The following ZNF335 variants were observed in gnomAD, a reference collection of about 807,000 sequenced individuals.
The protein encoded by ZNF335 is zinc finger protein 335, also known as NRC-interacting factor 1.
In ZNF335, 84 loss-of-function variants were observed where a neutral mutation model predicts 145.6. The ratio of observed to expected loss-of-function variants is 0.58; its 90% confidence interval spans 0.48 to 0.69. The LOEUF is 0.69. ZNF335 is among the 30% of genes least tolerant of loss of function. The pLI, the probability that ZNF335 is intolerant of heterozygous loss-of-function variation, is 0.00. For missense variants in ZNF335, 1,865 were observed against 1,809.7 expected (o/e 1.03, Z -0.55); for synonymous variants, 761 against 717.0 (o/e 1.06, Z -0.98).
intron 9 of ZNF335, among the ~76,000 whole-genome samples, chr20:45,963,228 C>T (rs992668568): frequency 6.6e-6 from 1 of 152,196 alleles, no homozygotes; most frequent in South Asian, 2.1e-4. Flanking sequence ...TATGCTGCCA[C>T]TGTGCACTGT....
At chr20:45,949,694 T>C (rs528955337) in intron 24 of ZNF335, 106 bp downstream of exon 24, 9 of 1,470,962 alleles carry the variant, frequency 6.1e-6, no homozygotes, top group Middle Eastern at 2.0e-4. Flanking sequence ...TTGGCAAGCA[T>C]GGACCCCAGG....
chr20:45,949,158 C>G lies in ZNF335; in HGVS notation c.3901+12G>C. On this transcript the variant is annotated intron_variant, in intron 27 of 27. Coordinates refer to ENST00000322927, the MANE Select transcript of ZNF335 (RefSeq NM_022095.4). ...TACCCAGCCCCATGCTCCTCAGGAT[C>G]CAGCTCCATACCTGTGACAGCTGAG... 2 of 1,613,576 alleles carry G rather than the reference C, an allele frequency of 1.2e-6. No individual in the cohort carries two copies. Among genetic ancestry groups the G allele is most frequent in the Non-Finnish European group, 1.7e-6 (2 of 1,179,946 alleles).
chr20:45,949,132 A>G (rs747391831), intron 27 of ZNF335, 38 bp downstream of exon 27: 19 of 1,613,362 alleles, frequency 1.2e-5, no homozygotes, highest in Admixed American at 3.3e-5. Context: ...AGCTGGGTCC[A>G]TACCCAGCCC....
At chr20:45,965,878 C>A in intron 6 of ZNF335, 104 bp from the exon 7 acceptor site, 1 of 1,347,840 alleles carries the variant, frequency 7.4e-7, no homozygotes, top group Non-Finnish European at 9.9e-7. Context: ...ACTCCTCCTC[C>A]AAGCCCACAG....
At chr20:45,955,350 C>CAAAAAAAAAAAAAAAAAAAA (rs61555698) in intron 17 of ZNF335, among the ~76,000 whole-genome samples, 2 of 37,332 alleles carry the variant, frequency 5.4e-5, no homozygotes, top group East Asian at 9.8e-4. Context: ...GACTCTGTCT[C>CAAAAAAAAAAAAAAAAAAAA]AAAAAAAAAA....
rs753615903 is a variant in ZNF335, at chr20:45,953,777, C to T, written c.2614G>A (p.Ala872Thr). The change falls in exon 18 of 28, where the codon GCA becomes ACA. Residue 872 changes from alanine to threonine, a missense_variant. Coordinates refer to ENST00000322927, the MANE Select transcript of ZNF335 (RefSeq NM_022095.4). ...CCAGTCCCACCAAATGGACCAGGTG[C>T]CAGGGTGATCTGCGGTAGGTCAGGA... The part of the protein sequence containing the change: ...GPPDLPQITL[A>T]PGPFGGTGYS... 1 of 1,614,204 alleles carries T rather than the reference C, an allele frequency of 6.2e-7. No homozygotes were observed. The highest frequency in any genetic ancestry group is 8.5e-7 in the Non-Finnish European group (1 of 1,180,036).
rs917223432 is a variant in ZNF335, at chr20:45,949,676, T to C, written c.3670-108A>G. ...GACTAGGAACAGCCACCAGCAACAATGCAGTTGTTGGCAAGCATGGACCCC... is the reference window on the plus strand; with the variant it reads ...GACTAGGAACAGCCACCAGCAACAACGCAGTTGTTGGCAAGCATGGACCCC... On this transcript the variant is annotated intron_variant, in intron 24 of 27. Transcript: ENST00000322927. The C allele has an allele frequency of 2.8e-6, 4 of 1,436,950 alleles. No homozygotes were observed. The African/African-American group carries it at 4.2e-5, about 15-fold the overall frequency. 89.0% of individuals were successfully genotyped at this position (1,436,950 alleles called of 1,614,324 possible).
intron 9 of ZNF335, among the ~76,000 whole-genome samples, chr20:45,962,694 A>G (rs1403897430): frequency 6.6e-6 from 1 of 152,098 alleles, no homozygotes; most frequent in Admixed American, 6.5e-5. Context: ...ATGGACACCT[A>G]CGACCTCATT....
Position 45,949,174 on chromosome 20 carries a change from G to A in ZNF335, c.3897C>T (p.Val1299=). 6.2e-7 allele frequency: 1 copy of A among 1,613,726 alleles called. No individual in the cohort carries two copies. The highest frequency in any genetic ancestry group is 8.5e-7 in the Non-Finnish European group (1 of 1,179,988). ...AQLEAAAHSA[V]TAVADAAMAQ... is the part of the protein sequence containing the mutation. ...CCTCAGGATCCAGCTCCATACCTGTGACAGCTGAGTGTGCTGCAGCCTCAA... is the reference window on the plus strand; with the variant it reads ...CCTCAGGATCCAGCTCCATACCTGTAACAGCTGAGTGTGCTGCAGCCTCAA... The change falls in exon 27 of 28, where the codon GTC becomes GTT. Residue 1299 remains valine (V), a synonymous_variant. Coordinates refer to ENST00000322927, the MANE Select transcript of ZNF335 (RefSeq NM_022095.4).
chr20:45,955,350 C>CAA lies in ZNF335; in HGVS notation c.2443-1404_2443-1403dup, dbSNP rs61555698. Among the ~76,000 whole-genome samples the CAA allele has an allele frequency of 2.4e-3, 90 of 37,330 alleles. 8 individuals carry two copies. Among genetic ancestry groups the CAA allele is most frequent in the African/African-American group, 0.01 (87 of 8,550 alleles). 24.5% of individuals were successfully genotyped at this position (37,330 alleles called of 152,430 possible). On this transcript the variant is annotated intron_variant, in intron 17 of 27. Transcript: ENST00000322927. ...TGGGCAACAGAGCAAGACTCTGTCT[C>CAA]AAAAAAAAAAAAAAAAAAAAGATTT... is the stretch of plus-strand genomic sequence containing the variant.
chr20:45,961,818 T>C (rs756617023), intron 10 of ZNF335: 2 of 443,428 alleles, frequency 4.5e-6, no homozygotes, highest in Non-Finnish European at 8.2e-6. Flanking sequence ...TCAACAACTG[T>C]CCCCGTTTGA....
intron 17 of ZNF335, among the ~76,000 whole-genome samples, chr20:45,954,616 G>A (rs531402430): frequency 5.9e-5 from 9 of 152,024 alleles, no homozygotes; most frequent in South Asian, 2.1e-4. Context: ...CATAAAAAGT[G>A]GACTTCCCTC....
chr20:45,971,894 C>T, intron 1 of ZNF335: 1 of 985,412 alleles, frequency 1.0e-6, no homozygotes, highest in Non-Finnish European at 1.2e-6. Context: ...CGGGGCCTGG[C>T]GATTTGGGGC....
chr20:45,953,198 G>C (rs529685878), intron 18 of ZNF335, among the ~76,000 whole-genome samples: 1 of 152,314 alleles, frequency 6.6e-6, no homozygotes, highest in South Asian at 2.1e-4. Flanking sequence ...CTAAGAGTTT[G>C]GTGAACATAA....
Position 45,967,646 on chromosome 20 carries a change from G to A in ZNF335, c.815-12C>T. ...TGCGGCTGCTGCTACTGGAAGTGGA[G>A]GGAGGGTAAGACAAGCTTGCCATGT... On this transcript the variant is annotated splice_polypyrimidine_tract_variant and intron_variant, in intron 5 of 27. Transcript: ENST00000322927. 6.2e-7 allele frequency: 1 copy of A among 1,613,638 alleles called. No individual in the cohort carries two copies. Among genetic ancestry groups the A allele is most frequent in the Non-Finnish European group, 8.5e-7 (1 of 1,179,868 alleles).
In ZNF335 at chr20:45,948,795, C is replaced by T. The variant is rs2083572010; in HGVS notation, c.*158G>A. 5 of 1,243,762 alleles carry T rather than the reference C, an allele frequency of 4.0e-6. No individual in the cohort carries two copies. Among genetic ancestry groups the T allele is most frequent in the Non-Finnish European group, 5.6e-6 (5 of 887,358 alleles). 77.0% of individuals were successfully genotyped at this position (1,243,762 alleles called of 1,614,324 possible). ...GTCCTGGCTGGGGCCCATGGCTGCCCCTAACCCCAACAGCACAGGTCTGGC... is the reference window on the plus strand; with the variant it reads ...GTCCTGGCTGGGGCCCATGGCTGCCTCTAACCCCAACAGCACAGGTCTGGC... On this transcript the variant is annotated 3_prime_UTR_variant, in exon 28 of 28. Coordinates refer to ENST00000322927, the MANE Select transcript of ZNF335 (RefSeq NM_022095.4).
chr20:45,957,845 G>C lies in ZNF335; in HGVS notation c.2337C>G (p.Ile779Met), dbSNP rs2083757355. Residue 779 changes from isoleucine to methionine, a missense_variant, in exon 16 of 28, where the codon ATC (isoleucine) becomes ATG (methionine). By Grantham distance (10) the Ile-to-Met change is conservative (BLOSUM62 1). Transcript: ENST00000322927. ...TCCTACAGAGCTCACCTTGCTGGTA[G>C]ATGATGGTGGCGCCGCCCAGGGTGT... ...CSDTLGGATIIYQQGAEESTA... is the reference protein window; with the variant it reads ...CSDTLGGATIMYQQGAEESTA... 1.2e-6 allele frequency: 2 copies of C among 1,614,002 alleles called. No individual in the cohort carries two copies. Among genetic ancestry groups the C allele is most frequent in the Non-Finnish European group, 1.7e-6 (2 of 1,180,016 alleles).
Position 45,948,676 on chromosome 20 carries a change from G to T in ZNF335, c.*277C>A. On this transcript the variant is annotated 3_prime_UTR_variant, in exon 28 of 28. Coordinates refer to ENST00000322927, the MANE Select transcript of ZNF335 (RefSeq NM_022095.4). ...AGTAAGCTGTTCAGGACTGGACTCC[G>T]GTCCCTTTATTGAGACTGACAGGCC... is the stretch of plus-strand genomic sequence containing the variant. 4.4e-6 allele frequency: 2 copies of T among 453,196 alleles called. No homozygotes were observed. The allele number at this position is 453,196 out of a possible 1,614,324, so 28.1% of individuals were successfully genotyped here. A position where few individuals can be genotyped will look rare whatever the true frequency, so the allele number is the denominator to read the frequency against.
chr20:45,968,511 CT>C, intron 3 of ZNF335, 149 bp from the exon 4 acceptor site: 1 of 672,626 alleles, frequency 1.5e-6, no homozygotes, highest in East Asian at 2.7e-5. Context: ...TGTGTCACCC[CT>C]GAGCCTCAGT....
Sources: gnomAD v4.1 joint callset for allele counts (sites outside exome capture counted in the v4.1 genomes callset) on GRCh38, gnomAD v4.1.1 for gene constraint, MANE v1.5 for transcripts, NCBI Gene and HGNC (gene_info 2026-07-23, HGNC 2026-07-21) for gene names.